The following DNAH5 variants were observed in gnomAD, a reference collection of about 807,000 sequenced individuals.
The protein encoded by DNAH5 is dynein axonemal heavy chain 5, also known as axonemal beta dynein heavy chain 5.
A neutral mutation model predicts 518.2 loss-of-function variants in DNAH5; 372 were observed. The observed-to-expected ratio is 0.72, with a 90% CI of 0.66 to 0.78. The LOEUF (loss-of-function observed/expected upper bound fraction) is 0.78. Among genes scored for constraint, DNAH5 ranks in the 30% least tolerant of loss-of-function variants. DNAH5 has a pLI of 0.00. For missense variants in DNAH5, 5,523 were observed against 5,687.0 expected, an observed-to-expected ratio of 0.97 and a Z score of 0.93; for synonymous variants, 2,039 against 2,025.9, an observed-to-expected ratio of 1.01 and a Z score of -0.17.
At chr5:13,800,671 G>A (rs1299359907) in intron 47 of DNAH5, among the ~76,000 whole-genome samples, 1 of 152,038 alleles carries the variant, frequency 6.6e-6, no homozygotes. Context: ...CATACACAAT[G>A]GCTATATTGC....
At chr5:13,828,963 A>AT (rs1763278128) in intron 38 of DNAH5, among the ~76,000 whole-genome samples, 1 of 152,244 alleles carries the variant, frequency 6.6e-6, no homozygotes, top group Non-Finnish European at 1.5e-5. Context: ...TTGTGGTATG[A>AT]TTGTTAGATG....
chr5:13,807,241 C>T (rs1759756213), intron 47 of DNAH5, among the ~76,000 whole-genome samples: 1 of 152,176 alleles, frequency 6.6e-6, no homozygotes, highest in Admixed American at 6.5e-5. Context: ...GGAACACCTT[C>T]AGGCAAGCAG....
chr5:13,909,356 T>C (rs1775710115), intron 12 of DNAH5, among the ~76,000 whole-genome samples: 1 of 152,180 alleles, frequency 6.6e-6, no homozygotes, highest in Non-Finnish European at 1.5e-5. Flanking sequence ...ATAAAAGTTA[T>C]GTGAATGTGG....
chr5:13,737,391 C>T lies in DNAH5; in HGVS notation c.11316G>A (p.Gln3772=), dbSNP rs763936826. ...GACTTTCATCTTCTACCAGGGACCC[C>T]TGGGTACTTGTCAGGCGGTAAAGCA... The part of the protein sequence containing the change: ...DNLLYRLTST[Q]GSLVEDESLI... The change falls in exon 66 of 79, where the codon CAG becomes CAA. Residue 3772 remains glutamine, a synonymous_variant. Coordinates refer to ENST00000265104, the MANE Select transcript of DNAH5 (RefSeq NM_001369.3). 32 of 1,614,196 alleles carry T rather than the reference C, an allele frequency of 2.0e-5. No individual in the cohort carries two copies. Among genetic ancestry groups the T allele is most frequent in the Non-Finnish European group, 2.6e-5 (31 of 1,180,020 alleles).
chr5:13,807,570 G>A, intron 47 of DNAH5, 21 bp downstream of exon 47: 2 of 1,612,042 alleles, frequency 1.2e-6, no homozygotes, highest in Non-Finnish European at 1.7e-6. Context: ...GGCTTACTGA[G>A]CCATACCAAA....
At chr5:13,744,191 T>G (rs1365195577) in intron 65 of DNAH5, among the ~76,000 whole-genome samples, 1 of 152,008 alleles carries the variant, frequency 6.6e-6, no homozygotes, top group Admixed American at 6.6e-5. Flanking sequence ...GCACCATGGA[T>G]GGAACTGGAG....
intron 47 of DNAH5, among the ~76,000 whole-genome samples, chr5:13,806,964 T>A (rs1759707091): frequency 1.3e-5 from 2 of 152,162 alleles, no homozygotes; most frequent in Admixed American, 1.3e-4. Flanking sequence ...AAGATTAAAG[T>A]GGCATTCTAG....
At position 13,841,682 on chromosome 5, in the gene DNAH5, A is replaced by G. The variant is rs564286425; in HGVS notation, c.5484+10T>C. The stretch of plus-strand genomic sequence containing the variant: ...TTACAAAACATACTTTCAAATTTCA[A>G]TACACTGACCTGAGCAGGGAAGGAT... On this transcript the variant is annotated intron_variant, in intron 33 of 78. Transcript: ENST00000265104. 17 of 1,598,648 alleles carry G rather than the reference A, an allele frequency of 1.1e-5. No individual in the cohort carries two copies. The East Asian group carries it at 2.9e-4, about 27-fold the overall frequency.
chr5:13,752,254 G>A lies in DNAH5; in HGVS notation c.10908C>T (p.His3636=). ...TTCCAAGAGAAAGGCTGTCTTCCAG[G>A]TGGTTTCTGAAGTACTTGTGATTTA... ...TSLNHKYFRN[H]LEDSLSLGRP... Residue 3636 remains histidine (H), a synonymous_variant, in exon 64 of 79, where the codon CAC becomes CAT. Transcript: ENST00000265104. 1 of 1,613,996 alleles carries A rather than the reference G, an allele frequency of 6.2e-7. No individual in the cohort carries two copies. Among genetic ancestry groups the A allele is most frequent in the African/African-American group, 1.3e-5 (1 of 75,012 alleles).
chr5:13,870,653 T>A (rs1769954560), intron 24 of DNAH5, 114 bp downstream of exon 24: 2 of 974,964 alleles, frequency 2.1e-6, no homozygotes, highest in Admixed American at 4.0e-5. Context: ...ATTGAAATTA[T>A]TGTCTTGGTT....
chr5:13,994,313 C>T lies in DNAH5; in HGVS notation c.12+17335G>A, dbSNP rs1434659340. The stretch of plus-strand genomic sequence containing the variant: ...CCAACAAGCAAAGACAACTTCCTCC[C>T]CAAAAAGGAATTTTGCCGCTGAGAT... On this transcript the variant is annotated intron_variant, in intron 1 of 78. Coordinates refer to the DNAH5 transcript ENST00000681290. 2.0e-5 allele frequency among the ~76,000 whole-genome samples: 3 copies of T among 152,104 alleles called. No homozygotes were observed. The East Asian group carries it at 5.8e-4, about 29-fold the overall frequency.
At chr5:13,916,322 A>G (rs1196737295) in intron 9 of DNAH5, 26 bp downstream of exon 9, 1 of 1,240,108 alleles carries the variant, frequency 8.1e-7, no homozygotes, top group East Asian at 2.4e-5. Flanking sequence ...ATACAAATGA[A>G]CATGGACTCT....
chr5:13,995,096 G>A (rs1314495975), intron 1 of DNAH5, among the ~76,000 whole-genome samples: 1 of 152,130 alleles, frequency 6.6e-6, no homozygotes, highest in East Asian at 1.9e-4. Flanking sequence ...AATCACATGT[G>A]TTTTTGTGCT....
At chr5:13,759,666 G>A (rs944737359) in intron 60 of DNAH5, among the ~76,000 whole-genome samples, 3 of 152,082 alleles carry the variant, frequency 2.0e-5, no homozygotes, top group African/African-American at 7.2e-5. Context: ...TTTTAAAGAA[G>A]CTATTAAGAT....
chr5:13,878,948 C>T (rs1771265588), intron 21 of DNAH5, among the ~76,000 whole-genome samples: 1 of 152,204 alleles, frequency 6.6e-6, no homozygotes, highest in African/African-American at 2.4e-5. Context: ...GAGAATCTAG[C>T]TCCTACCTTA....
At chr5:13,947,909 T>G (rs1581013895), upstream of DNAH5, among the ~76,000 whole-genome samples, 1 of 152,232 alleles carries the variant, frequency 6.6e-6, no homozygotes, top group Admixed American at 6.5e-5. Context: ...CATATTGAAA[T>G]GTGGTCATTC....
chr5:13,745,452 C>T (rs996667274), intron 65 of DNAH5, among the ~76,000 whole-genome samples: 10 of 152,186 alleles, frequency 6.6e-5, no homozygotes, highest in Non-Finnish European at 1.3e-4. Flanking sequence ...TGCATCCATA[C>T]GCTCTAAGGT....
intron 37 of DNAH5, among the ~76,000 whole-genome samples, 158 bp from the exon 38 acceptor site, chr5:13,829,862 G>GA (rs1308760641): frequency 6.7e-6 from 1 of 149,400 alleles, no homozygotes; most frequent in Non-Finnish European, 1.5e-5. Flanking sequence ...GCTAAGTCAT[G>GA]AGCTATTCAT....
Position 13,917,177 on chromosome 5 carries a change from T to C in DNAH5, c.1055A>G (p.Glu352Gly). 6.2e-7 allele frequency: 1 copy of C among 1,614,004 alleles called. No individual in the cohort carries two copies. Among genetic ancestry groups the C allele is most frequent in the East Asian group, 2.2e-5 (1 of 44,848 alleles). ...GCTGTACAAAGGGTCACAACATTTT[T>C]CAAGTGTATACAAGTATTTCACATT... The part of the protein sequence containing the change: ...KDNVKYLYTL[E>G]KCCDPLYSSD... The change falls in exon 8 of 79, where the codon GAA (glutamate) becomes GGA (glycine). Residue 352 changes from glutamate to glycine, a missense_variant. Transcript: ENST00000265104.
Sources: allele counts gnomAD v4.1 joint callset (sites outside exome capture counted in the v4.1 genomes callset), GRCh38; gene constraint gnomAD v4.1.1; transcripts MANE v1.5; gene names NCBI Gene and HGNC (gene_info 2026-07-23, HGNC 2026-07-21).